The following PKM variants were observed in gnomAD, a reference collection of about 807,000 sequenced individuals.
PKM encodes the protein pyruvate kinase M1/2, also known as pyruvate kinase PKM.
A neutral mutation model predicts 49.8 loss-of-function variants in PKM; 18 were observed. The ratio of observed to expected loss-of-function variants is 0.36; its 90% CI spans 0.25 to 0.54. The LOEUF (loss-of-function observed/expected upper bound fraction) is 0.54, where lower values mean the gene tolerates loss of function less well. Among genes scored for constraint, PKM ranks in the 20% least tolerant of loss-of-function variants. The pLI, the probability that PKM is intolerant of heterozygous loss-of-function variation, is 0.89. For missense variants in PKM, 508 were observed against 713.8 expected (o/e 0.71, Z 3.28); for synonymous variants, 239 against 261.8 (o/e 0.91, Z 0.84).
chr15:72,217,386 C>T (rs2082401575), intron 3 of PKM, 23 bp downstream of exon 3: 7 of 1,462,786 alleles, frequency 4.8e-6, no homozygotes, highest in Non-Finnish European at 6.7e-6. Flanking sequence ...TCACAATGGC[C>T]ATAGGGTCCA....
intron 10 of PKM, 43 bp from the exon 11 acceptor site, chr15:72,199,799 G>A: frequency 7.0e-7 from 1 of 1,424,590 alleles, no homozygotes; most frequent in Non-Finnish European, 9.8e-7. Context: ...AGCCAAGCCA[G>A]GCAGGTTTGC....
At chr15:72,203,048 A>C (rs1312677078) in intron 8 of PKM, 1 of 1,614,170 alleles carries the variant, frequency 6.2e-7, no homozygotes, top group Non-Finnish European at 8.5e-7. Flanking sequence ...GAACTATCAA[A>C]GCTGCTGCTA....
At chr15:72,211,391 G>T (rs1475986495) in intron 3 of PKM, among the ~76,000 whole-genome samples, 2 of 152,114 alleles carry the variant, frequency 1.3e-5, no homozygotes, top group Non-Finnish European at 2.9e-5. Context: ...GATTCTGATT[G>T]GAGGGGGAAA....
intron 1 of PKM, among the ~76,000 whole-genome samples, chr15:72,225,759 C>T (rs181623758): frequency 6.6e-6 from 1 of 152,204 alleles, no homozygotes; most frequent in Non-Finnish European, 1.5e-5. Flanking sequence ...GACTGTCTTA[C>T]TGGTGGCCAC....
chr15:72,200,954 C>T lies in PKM; in HGVS notation c.1308-299G>A. ...CCACACAGCCCATGGTTGGCAGAAC[C>T]CCTCCTACACCCTGAACTCTGACAC... On this transcript the variant is annotated intron_variant, in intron 9 of 10. Coordinates refer to ENST00000335181, the MANE Select transcript of PKM (RefSeq NM_002654.6). The surrounding 1 kb of genome is among the most constrained non-coding windows in gnomAD (Gnocchi z 4.6). The T allele has an allele frequency of 5.8e-6, 2 of 345,790 alleles. No homozygotes were observed. Among genetic ancestry groups the T allele is most frequent in the South Asian group, 8.5e-5 (2 of 23,668 alleles). 21.4% of individuals were successfully genotyped at this position (345,790 alleles called of 1,614,324 possible). A position where few individuals can be genotyped will look rare whatever the true frequency, so the allele number is the denominator to read the frequency against.
At position 72,218,929 on chromosome 15, in the gene PKM, G is replaced by A; in HGVS notation, c.154+15C>T. On this transcript the variant is annotated intron_variant, in intron 2 of 10. Coordinates refer to ENST00000335181, the MANE Select transcript of PKM (RefSeq NM_002654.6). ...CATGAAGCCCTTTTTTGGGGGAAGG[G>A]GCACACCCACTCACCAATGGTACAG... 1 of 1,614,002 alleles carries A rather than the reference G, an allele frequency of 6.2e-7. No individual in the cohort carries two copies. Among genetic ancestry groups the A allele is most frequent in the African/African-American group, 1.3e-5 (1 of 75,018 alleles).
rs140291849 is a variant in PKM, at chr15:72,208,950, C to T, written c.566-59G>A. On this transcript the variant is annotated intron_variant, in intron 5 of 10. Coordinates refer to ENST00000335181, the MANE Select transcript of PKM (RefSeq NM_002654.6). ...CACGAGGGCACAGGTCAACAGGAAG[C>T]AGGCACCTTTCCCGCAAGGACAGTG... 6.0e-5 allele frequency: 93 copies of T among 1,555,592 alleles called. 1 individual carries two copies. In the African/African-American group the frequency reaches 1.2e-3, roughly 20 times the overall value.
chr15:72,201,820 G>C (rs1280834837), intron 9 of PKM: 2 of 157,836 alleles, frequency 1.3e-5, no homozygotes, highest in East Asian at 3.7e-4. Flanking sequence ...CCTGTGGACA[G>C]GGACAAGGAG....
Position 72,206,894 on chromosome 15 carries a change from G to C in PKM, c.988-14C>G, listed in dbSNP as rs776264536. 6 of 1,613,880 alleles carry C rather than the reference G, an allele frequency of 3.7e-6. No individual in the cohort carries two copies. Among genetic ancestry groups the C allele is most frequent in the Non-Finnish European group, 5.1e-6 (6 of 1,179,908 alleles). ...GCTCTCCAGCATCTGGGAGGGGACA[G>C]AGCATTAGTGAGATGTAGCTTGAGC... is the stretch of plus-strand genomic sequence containing the variant. On this transcript the variant is annotated splice_polypyrimidine_tract_variant and intron_variant, in intron 7 of 10. Transcript: ENST00000335181.
rs1428846103 is a variant in PKM, at chr15:72,203,294, T to C, written c.1141-674A>G. The C allele has an allele frequency of 3.0e-6, 3 of 1,000,876 alleles. 1 individual carries two copies. Among genetic ancestry groups the C allele is most frequent in the East Asian group, 4.8e-5 (2 of 41,950 alleles). 62.0% of individuals were successfully genotyped at this position (1,000,876 alleles called of 1,614,324 possible). A position where few individuals can be genotyped will look rare whatever the true frequency, so the allele number is the denominator to read the frequency against. On this transcript the variant is annotated intron_variant, in intron 8 of 10. Coordinates refer to ENST00000335181, the MANE Select transcript of PKM (RefSeq NM_002654.6). ...ATGGGGAATTTATCAGAGAGGAAGG[T>C]AACCTTAGGTTAATTGGCTAAATCT...
rs755412760 is a variant in PKM at position 72,210,506 on chromosome 15, C to T, written c.247-28G>A. 9.3e-6 allele frequency: 15 copies of T among 1,613,664 alleles called. No individual in the cohort carries two copies. In the South Asian group the frequency reaches 1.3e-4, roughly 14 times the overall value. ...GGGGGAAAAGAAGGAAGATGACAAG[C>T]GTGCTCCCACACTAGAATCCAGCTC... On this transcript the variant is annotated intron_variant, in intron 3 of 10. Transcript: ENST00000335181.
rs774550933 is a variant in PKM at position 72,202,596 on chromosome 15, T to C, written c.1165A>G (p.Ile389Val). Residue 389 changes from isoleucine to valine, a missense_variant, in exon 9 of 11, where the codon ATC (isoleucine) becomes GTC (valine). Coordinates refer to ENST00000335181, the MANE Select transcript of PKM (RefSeq NM_002654.6). The surrounding 1 kb of genome is among the most constrained non-coding windows in gnomAD (Gnocchi z 4.5). ...TCCTCAAATAATTGCAAGTGGTAGA[T>C]GGCAGCCTCTGCCTCACGGGCAATC... is the stretch of plus-strand genomic sequence containing the variant. The part of the protein sequence containing the change: ...HLIAREAEAA[I>V]YHLQLFEELR... 3.7e-6 allele frequency: 6 copies of C among 1,613,320 alleles called. No individual in the cohort carries two copies. The highest frequency in any genetic ancestry group is 3.3e-5 in the South Asian group (3 of 90,968).
At chr15:72,229,112 T>G (rs2082769454) in intron 1 of PKM, among the ~76,000 whole-genome samples, 1 of 152,240 alleles carries the variant, frequency 6.6e-6, no homozygotes, top group Non-Finnish European at 1.5e-5. Flanking sequence ...TCAGAGAGCC[T>G]GATTCCTCAC....
chr15:72,210,127 A>T (rs2082211825), intron 4 of PKM: 2 of 655,468 alleles, frequency 3.1e-6, no homozygotes, highest in Non-Finnish European at 5.2e-6. Context: ...TTAGGTTTTT[A>T]GGGTAAAAAA....
intron 5 of PKM, 166 bp from the exon 6 acceptor site, chr15:72,209,057 C>G: frequency 1.4e-6 from 1 of 716,000 alleles, no homozygotes; most frequent in Non-Finnish European, 2.4e-6. Flanking sequence ...CCTGGGCAAG[C>G]CATTTAACCT....
intron 1 of PKM, chr15:72,229,627 GACCTT>G: frequency 7.9e-7 from 1 of 1,265,846 alleles, no homozygotes; most frequent in South Asian, 1.2e-5. Context: ...CACCTGGTGA[GACCTT>G]ACGAGGCTTC....
rs369832806 is a variant in PKM, at chr15:72,202,081, C to T, written c.1307+373G>A. The stretch of plus-strand genomic sequence containing the variant: ...ACAGCATTTAAATAAATTCATTTCC[C>T]AACTGAAATTTTTAAAGAGCACATA... On this transcript the variant is annotated intron_variant, in intron 9 of 10. Transcript: ENST00000335181. The surrounding 1 kb of genome is among the most constrained non-coding windows in gnomAD (Gnocchi z 4.5). 19 of 285,014 alleles carry T rather than the reference C, an allele frequency of 6.7e-5. No individual in the cohort carries two copies. Among genetic ancestry groups the T allele is most frequent in the African/African-American group, 4.2e-4 (19 of 45,500 alleles). The allele number at this position is 285,014 out of a possible 1,614,324, so 17.7% of individuals were successfully genotyped here.
intron 1 of PKM, among the ~76,000 whole-genome samples, chr15:72,230,377 C>G (rs1195737985): frequency 6.6e-6 from 1 of 152,220 alleles, no homozygotes; most frequent in Non-Finnish European, 1.5e-5. Context: ...CTCAGCACCG[C>G]CCGAGCCTGC....
At chr15:72,207,085 G>A (rs1377857013) in intron 7 of PKM, 42 bp downstream of exon 7, 1 of 1,609,308 alleles carries the variant, frequency 6.2e-7, no homozygotes, top group Non-Finnish European at 8.5e-7. Context: ...ATACAAACAT[G>A]CGAGTGTGCA....
Sources: allele counts gnomAD v4.1 joint callset (sites outside exome capture counted in the v4.1 genomes callset), GRCh38; gene constraint gnomAD v4.1.1; non-coding constraint Gnocchi (gnomAD v3.1); transcripts MANE v1.5; gene names NCBI Gene and HGNC (gene_info 2026-07-23, HGNC 2026-07-21).